The following SEC22C variants were observed in gnomAD, a reference collection of about 807,000 sequenced individuals.
SEC22C encodes SEC22 homolog C, vesicle trafficking protein, also known as vesicle-trafficking protein SEC22c.
A neutral mutation model predicts 34.7 loss-of-function variants in SEC22C; 29 were observed. The observed-to-expected ratio is 0.84, with a 90% CI of 0.62 to 1.14. SEC22C has a LOEUF of 1.14. SEC22C is among the 50% of genes most tolerant of loss of function. The pLI, the probability that SEC22C is intolerant of heterozygous loss-of-function variation, is 0.00. For synonymous variants in SEC22C, 117 were observed against 132.8 expected (o/e 0.88, Z 0.82); for missense variants, 337 against 369.0 (o/e 0.91, Z 0.71).
intron 1 of SEC22C, chr3:42,594,531 A>G: frequency 6.2e-7 from 1 of 1,600,156 alleles, no homozygotes; most frequent in Non-Finnish European, 8.6e-7. Flanking sequence ...CAATAGAATA[A>G]TCTTCCATTT....
chr3:42,560,436 C>T (rs535535541), intron 4 of SEC22C, among the ~76,000 whole-genome samples: 22 of 149,884 alleles, frequency 1.5e-4, no homozygotes, highest in African/African-American at 4.4e-4. Context: ...TCTGAAAGGC[C>T]GAGGCAGGAG....
At chr3:42,600,997 C>A in exon 1 of SEC22C, 1 of 1,562,364 alleles carries the variant, frequency 6.4e-7, no homozygotes, top group South Asian at 1.2e-5. Context: ...TTGCCGCCAC[C>A]TCGGTCGCGA....
chr3:42,567,227 TAAAAAA>T (rs1559520973), intron 2 of SEC22C, among the ~76,000 whole-genome samples: 1 of 152,022 alleles, frequency 6.6e-6, no homozygotes, highest in Non-Finnish European at 1.5e-5. Flanking sequence ...AAAAATAAAA[TAAAAAA>T]TAAAAATATA....
chr3:42,563,837 G>C (rs748542540), intron 2 of SEC22C, 151 bp from the exon 3 acceptor site: 1 of 1,522,092 alleles, frequency 6.6e-7, no homozygotes, highest in Non-Finnish European at 8.8e-7. Context: ...TCTTCAGTTC[G>C]ACCTATTCCT....
Position 42,551,552 on chromosome 3 carries a change from G to C in SEC22C, c.*1696C>G. 1 of 480,812 alleles carries C rather than the reference G, an allele frequency of 2.1e-6. No homozygotes were observed. The highest frequency in any genetic ancestry group is 2.7e-6 in the Non-Finnish European group (1 of 369,554). 29.8% of individuals were successfully genotyped at this position (480,812 alleles called of 1,614,324 possible). A position where few individuals can be genotyped will look rare whatever the true frequency, so the allele number is the denominator to read the frequency against. On this transcript the variant is annotated 3_prime_UTR_variant, in exon 7 of 7. Coordinates refer to ENST00000264454, the MANE Select transcript of SEC22C (RefSeq NM_032970.4). ...TGAATCTTACTATGTTGTCCAGGCT[G>C]GTCTCAAACTACTGGCCTCAACCGA...
chr3:42,587,704 C>A (rs1704666139), intron 1 of SEC22C: 1 of 151,916 alleles, frequency 6.6e-6, no homozygotes, highest in Admixed American at 6.6e-5. Flanking sequence ...CCACAGCACT[C>A]CAGCCTGGGC....
At chr3:42,594,494 A>G (rs1328020318) in intron 1 of SEC22C, 2 of 1,613,742 alleles carry the variant, frequency 1.2e-6, no homozygotes, top group Admixed American at 3.3e-5. Flanking sequence ...CCAGCACTTC[A>G]AAAGCAATGG....
At chr3:42,588,742 C>T (rs1704707276) in intron 1 of SEC22C, among the ~76,000 whole-genome samples, 1 of 152,098 alleles carries the variant, frequency 6.6e-6, no homozygotes, top group South Asian at 2.1e-4. Context: ...TGTCATTCCT[C>T]ACTTGTCTAA....
chr3:42,584,503 G>A (rs995362491), upstream of SEC22C, among the ~76,000 whole-genome samples: 12 of 152,218 alleles, frequency 7.9e-5, no homozygotes, highest in South Asian at 4.1e-4. Flanking sequence ...TGATCTGCCC[G>A]CCTTGGCCTC....
At chr3:42,599,165 C>T (rs1302670845) in intron 1 of SEC22C, among the ~76,000 whole-genome samples, 178 of 150,266 alleles carry the variant, frequency 1.2e-3, no homozygotes, top group African/African-American at 4.2e-3. Flanking sequence ...AAGGGTTTCA[C>T]CGTGTTAGCC....
At position 42,548,903 on chromosome 3, in the gene SEC22C, AC is replaced by A. The variant is rs1702115843; in HGVS notation, c.*4344del. 7.6e-7 allele frequency: 1 copy of A among 1,321,304 alleles called. No individual in the cohort carries two copies. The highest frequency in any genetic ancestry group is 3.1e-5 in the Admixed American group (1 of 31,948). 81.8% of individuals were successfully genotyped at this position (1,321,304 alleles called of 1,614,324 possible). On this transcript the variant is annotated 3_prime_UTR_variant, in exon 7 of 7. Coordinates refer to ENST00000264454, the MANE Select transcript of SEC22C (RefSeq NM_032970.4). ...TTCTCCTCCCACACACAATGGACTCACCCAGTATTACCCTCCACTACCACTT... is the reference window on the plus strand; with the variant it reads ...TTCTCCTCCCACACACAATGGACTCACCAGTATTACCCTCCACTACCACTT...
chr3:42,584,269 T>C (rs565621416), upstream of SEC22C, among the ~76,000 whole-genome samples: 39 of 152,370 alleles, frequency 2.6e-4, no homozygotes, highest in African/African-American at 9.4e-4. Context: ...CACAGACTTT[T>C]TTTGAGGCTG....
At chr3:42,582,760 G>A (rs967605180), upstream of SEC22C, among the ~76,000 whole-genome samples, 1 of 152,200 alleles carries the variant, frequency 6.6e-6, no homozygotes, top group Non-Finnish European at 1.5e-5. Flanking sequence ...GGCTAACTAG[G>A]CAAAGGGGAG....
At chr3:42,581,273 C>T (rs1704325158) in intron 1 of SEC22C, 1 of 152,216 alleles carries the variant, frequency 6.6e-6, no homozygotes, top group African/African-American at 2.4e-5. Flanking sequence ...TTACTTTTCA[C>T]ACTGGCAATA....
chr3:42,566,472 C>T (rs9813479), intron 2 of SEC22C, among the ~76,000 whole-genome samples: 40,665 of 151,814 alleles, frequency 0.27, 6,138 homozygotes, highest in East Asian at 0.46. Context: ...GTTAGGAGCT[C>T]GAGACCATCC....
Position 42,553,335 on chromosome 3 carries a change from G to T in SEC22C, c.825C>A (p.Ile275=). The T allele has an allele frequency of 6.2e-7, 1 of 1,614,138 alleles. No individual in the cohort carries two copies. Among genetic ancestry groups the T allele is most frequent in the Non-Finnish European group, 8.5e-7 (1 of 1,180,028 alleles). Residue 275 remains isoleucine (I), a synonymous_variant, in exon 7 of 7, where the codon ATC becomes ATA. Transcript: ENST00000264454. Reference sequence around the variant, plus strand: ...GAAAAGCCACTCCTATGTGGAAAAGGATTTGCCAGAGGTTCCTCAGCCCGT... The same window carrying T: ...GAAAAGCCACTCCTATGTGGAAAAGTATTTGCCAGAGGTTCCTCAGCCCGT... ...YLHGLRNLWQ[I]LFHIGVAFLS...
At chr3:42,573,428 G>A (rs1703765620) in intron 1 of SEC22C, 1 of 152,406 alleles carries the variant, frequency 6.6e-6, no homozygotes, top group East Asian at 1.9e-4. Flanking sequence ...GGGAGGCTGA[G>A]GCAGGAGAAT....
intron 2 of SEC22C, among the ~76,000 whole-genome samples, chr3:42,568,403 T>C (rs1242628605): frequency 1.3e-5 from 2 of 152,056 alleles, no homozygotes; most frequent in African/African-American, 4.8e-5. Context: ...CCCAGTACTC[T>C]GACAGGTCGA....
At chr3:42,565,180 C>G (rs897977827) in intron 2 of SEC22C, among the ~76,000 whole-genome samples, 7 of 152,158 alleles carry the variant, frequency 4.6e-5, no homozygotes, top group African/African-American at 1.7e-4. Flanking sequence ...ATTCTGCCCC[C>G]CTTTCATTTC....
Sources: gnomAD v4.1 joint callset for allele counts (sites outside exome capture counted in the v4.1 genomes callset) on GRCh38, gnomAD v4.1.1 for gene constraint, MANE v1.5 for transcripts, NCBI Gene and HGNC (gene_info 2026-07-23, HGNC 2026-07-21) for gene names.